Variants in ACER1 observed in about 807,000 individuals in gnomAD.
The protein encoded by ACER1 is alkaline ceramidase 1.
In ACER1, 28 loss-of-function variants were observed where a neutral mutation model predicts 24.9. The ratio of observed to expected loss-of-function variants is 1.13; its 90% CI spans 0.83 to 1.54. The LOEUF is 1.54. Among genes scored for constraint, ACER1 ranks in the 40% most tolerant of loss-of-function variants. ACER1 has a pLI of 0.00. For missense variants in ACER1, 352 were observed against 349.3 expected, an observed-to-expected ratio of 1.01 and a Z score of -0.06; for synonymous variants, 132 against 131.4, an observed-to-expected ratio of 1.00 and a Z score of -0.03.
At chr19:6,354,801 TCCCTCTCCC>T in the ACER1 span, among the ~76,000 whole-genome samples, 9,054 of 151,974 alleles carry the variant, frequency 0.06, 394 homozygotes, top group African/African-American at 0.12. Flanking sequence ...CCTCTCCCTC[TCCCTCTCCC>T]CCCTCTCCCT....
rs1259934819 is a variant in ACER1, at chr19:6,309,719, T to C, written c.466A>G (p.Ile156Val). Reference protein sequence around the residue: ...LNSIALHILYIVCQEYRKTSN... With the variant: ...LNSIALHILYVVCQEYRKTSN... ...CACTTCCTGTACTCCTGGCACACGA[T>C]GTAGAGAATGTGCAGGGCAATGCTG... is the stretch of plus-strand genomic sequence containing the variant. The change falls in exon 4 of 6, where the codon ATC becomes GTC. Residue 156 changes from isoleucine to valine, a missense_variant. By Grantham distance (29) the Ile-to-Val change is conservative. Transcript: ENST00000301452. 1 of 1,613,776 alleles carries C rather than the reference T, an allele frequency of 6.2e-7. No homozygotes were observed. The highest frequency in any genetic ancestry group is 8.5e-7 in the Non-Finnish European group (1 of 1,179,876).
At chr19:6,350,045 C>G in the ACER1 span, among the ~76,000 whole-genome samples, 1 of 152,194 alleles carries the variant, frequency 6.6e-6, no homozygotes, top group Non-Finnish European at 1.5e-5. Flanking sequence ...GCAGGAGGAT[C>G]GCTTGAGTCC....
the ACER1 span, among the ~76,000 whole-genome samples, chr19:6,344,784 T>C: frequency 6.6e-6 from 1 of 152,090 alleles, no homozygotes. Flanking sequence ...TTAAACCATA[T>C]ATGTATGTTA....
At chr19:6,340,621 C>G in the ACER1 span, among the ~76,000 whole-genome samples, 1 of 152,116 alleles carries the variant, frequency 6.6e-6, no homozygotes, top group African/African-American at 2.4e-5. Context: ...CTGCTCATAG[C>G]TGGAACAGGA....
chr19:6,333,505 T>C lies in ACER1; in HGVS notation c.47A>G (p.Glu16Gly). ...CAGCTCCGAGTACTGGAAGTTGCTC[T>C]CACACCAGTCCACCTCGGAGCTCTG... is the stretch of plus-strand genomic sequence containing the variant. ...AYQSSEVDWC[E>G]SNFQYSELVA... Residue 16 changes from glutamate to glycine, a missense_variant, in exon 1 of 6, where the codon GAG becomes GGG. By Grantham distance (98) the Glu-to-Gly change is moderately conservative. Coordinates refer to ENST00000301452, the MANE Select transcript of ACER1 (RefSeq NM_133492.3). The C allele has an allele frequency of 6.3e-7, 1 of 1,594,318 alleles. No homozygotes were observed. Among genetic ancestry groups the C allele is most frequent in the Non-Finnish European group, 8.5e-7 (1 of 1,169,798 alleles).
chr19:6,311,496 C>T (rs538837062), intron 3 of ACER1, among the ~76,000 whole-genome samples: 11 of 151,666 alleles, frequency 7.3e-5, no homozygotes, highest in East Asian at 5.9e-4. Context: ...GAGCCGAGAT[C>T]GCACCACTGC....
chr19:6,322,935 AC>A (rs1226046469), intron 1 of ACER1, among the ~76,000 whole-genome samples: 1 of 151,808 alleles, frequency 6.6e-6, no homozygotes, highest in Non-Finnish European at 1.5e-5. Flanking sequence ...ACATGGAGAA[AC>A]CCCATCTCTA....
Position 6,309,685 on chromosome 19 carries a change from G to T in ACER1, c.488+12C>A. ...GGAGCCTCCTGCCCAGGCACCTGCA[G>T]CCTTCACTCACTTCCTGTACTCCTG... On this transcript the variant is annotated intron_variant, in intron 4 of 5. Transcript: ENST00000301452. 1 of 1,613,674 alleles carries T rather than the reference G, an allele frequency of 6.2e-7. No homozygotes were observed.
At chr19:6,357,323 G>A in the ACER1 span, among the ~76,000 whole-genome samples, 4 of 151,870 alleles carry the variant, frequency 2.6e-5, no homozygotes, top group Non-Finnish European at 4.4e-5. Flanking sequence ...CTGGGATTAC[G>A]GCCGTGAGCC....
At chr19:6,341,214 G>A in the ACER1 span, among the ~76,000 whole-genome samples, 1 of 149,230 alleles carries the variant, frequency 6.7e-6, no homozygotes, top group African/African-American at 2.5e-5. Flanking sequence ...AATTCTTGTG[G>A]CAGGAGAATC....
At chr19:6,351,053 C>G in the ACER1 span, among the ~76,000 whole-genome samples, 1 of 152,110 alleles carries the variant, frequency 6.6e-6, no homozygotes, top group Non-Finnish European at 1.5e-5. Context: ...TATAATTAAA[C>G]CAGTGAAGGC....
chr19:6,353,812 C>T, the ACER1 span, among the ~76,000 whole-genome samples: 43 of 150,446 alleles, frequency 2.9e-4, no homozygotes, highest in African/African-American at 7.8e-4. Context: ...GCAACAAGAG[C>T]GAAACCCCAT....
intron 1 of ACER1, among the ~76,000 whole-genome samples, chr19:6,331,686 C>G (rs965562519): frequency 1.3e-5 from 2 of 151,610 alleles, no homozygotes; most frequent in African/African-American, 4.8e-5. Flanking sequence ...CCCAACTACT[C>G]GGGAAGCTGA....
At chr19:6,335,901 C>CTTTTT (rs2091712639), upstream of ACER1, among the ~76,000 whole-genome samples, 4 of 140,444 alleles carry the variant, frequency 2.8e-5, no homozygotes, top group African/African-American at 8.4e-5. Flanking sequence ...TTTTCTTTTT[C>CTTTTT]TTTTCTTTTT....
At chr19:6,360,295 C>T in the ACER1 span, 1 of 152,168 alleles carries the variant, frequency 6.6e-6, no homozygotes. Context: ...TCGGCCACAC[C>T]AGGCTGGAAG....
chr19:6,306,835 G>C lies in ACER1; in HGVS notation c.674C>G (p.Ala225Gly), dbSNP rs371907021. 4 of 1,614,158 alleles carry C rather than the reference G, an allele frequency of 2.5e-6. No individual in the cohort carries two copies. The highest frequency in any genetic ancestry group is 3.4e-6 in the Non-Finnish European group (4 of 1,180,024). The stretch of plus-strand genomic sequence containing the variant: ...CATCTCATAGTTGGCATCCACCAAG[G>C]CCATGGTGACCATGCCATAAGGGAA... ...ITFPYGMVTM[A>G]LVDANYEMPG... Residue 225 changes from alanine to glycine, a missense_variant, in exon 6 of 6, where the codon GCC (alanine) becomes GGC (glycine). Physicochemically the swap from Ala to Gly is moderately conservative, Grantham distance 60. Coordinates refer to ENST00000301452, the MANE Select transcript of ACER1 (RefSeq NM_133492.3).
At chr19:6,353,954 G>A in the ACER1 span, among the ~76,000 whole-genome samples, 4 of 151,886 alleles carry the variant, frequency 2.6e-5, no homozygotes, top group Admixed American at 2.6e-4. Context: ...GGCCGAGGTG[G>A]GCAAATCACC....
chr19:6,342,652 G>A, the ACER1 span, among the ~76,000 whole-genome samples: 1 of 151,596 alleles, frequency 6.6e-6, no homozygotes, highest in African/African-American at 2.4e-5. Context: ...CCAGGAGGTG[G>A]AGCTTGCAGT....
At chr19:6,328,641 G>A in intron 1 of ACER1, among the ~76,000 whole-genome samples, 1 of 151,770 alleles carries the variant, frequency 6.6e-6, no homozygotes, top group Non-Finnish European at 1.5e-5. Context: ...AGCCCAGCCT[G>A]GCAGCATAGC....
Sources: gnomAD v4.1 joint callset for allele counts (sites outside exome capture counted in the v4.1 genomes callset) on GRCh38, gnomAD v4.1.1 for gene constraint, MANE v1.5 for transcripts, NCBI Gene and HGNC (gene_info 2026-07-23, HGNC 2026-07-21) for gene names.